CCNL2: variants seen among roughly 807,000 people sequenced by gnomAD.
CCNL2 encodes the protein cyclin-L2.
A neutral mutation model predicts 59.1 loss-of-function variants in CCNL2; 28 were observed. That is an observed-to-expected ratio of 0.47 (90% CI 0.35 to 0.65). CCNL2 has a LOEUF of 0.65. Ranked by LOEUF, CCNL2 falls within the 30% of genes least tolerant of loss-of-function variation. The probability of loss-of-function intolerance (pLI) is 0.00; values close to 1 mark genes in which losing one functional copy is unlikely to be tolerated. For missense variants in CCNL2, 714 were observed against 717.4 expected, an observed-to-expected ratio of 1.00 and a Z score of 0.05; for synonymous variants, 342 against 288.6, an observed-to-expected ratio of 1.19 and a Z score of -1.88.
At chr1:1,389,812 A>G (rs1174567964) in intron 8 of CCNL2, among the ~76,000 whole-genome samples, 2 of 152,060 alleles carry the variant, frequency 1.3e-5, no homozygotes, top group Non-Finnish European at 2.9e-5. Flanking sequence ...TCAAAAAATT[A>G]GCCAGGCGTG....
intron 6 of CCNL2, 37 bp from the exon 7 acceptor site, chr1:1,390,600 C>T (rs777311236): frequency 2.6e-6 from 4 of 1,561,354 alleles, no homozygotes; most frequent in East Asian, 4.5e-5. Context: ...ACACTTTCCT[C>T]AACTTCACGG....
Position 1,399,126 on chromosome 1 carries a change from A to G in CCNL2, c.181T>C (p.Phe61Leu), listed in dbSNP as rs1488363571. 1 of 1,611,916 alleles carries G rather than the reference A, an allele frequency of 6.2e-7. No individual in the cohort carries two copies. The highest frequency in any genetic ancestry group is 8.5e-7 in the Non-Finnish European group (1 of 1,179,424). The change falls in exon 1 of 11, where the codon TTC becomes CTC. Residue 61 changes from phenylalanine (F) to leucine (L), a missense_variant. Phe to Leu is a conservative substitution (Grantham distance 22). Transcript: ENST00000400809. ...NCLLPDDKLR[F>L]TPSMSSGLDT... ...AGGCCGCTCGACATGGACGGCGTGA[A>G]ACGGAGCTTGTCGTCAGGCAGGAGG...
In CCNL2 at chr1:1,387,874, G is replaced by C. The variant is rs976389405; in HGVS notation, c.1119-5C>G. ...CTCTCTCGCCCCTTTGGCAAGCTGT[G>C]AACAGGACAGGAGCCAGTTACAAAG... On this transcript the variant is annotated splice_polypyrimidine_tract_variant and splice_region_variant and intron_variant, in intron 9 of 10. Transcript: ENST00000400809. 1.2e-6 allele frequency: 2 copies of C among 1,613,882 alleles called. No individual in the cohort carries two copies. The highest frequency in any genetic ancestry group is 1.7e-6 in the Non-Finnish European group (2 of 1,180,022).
At chr1:1,392,343 G>A (rs563960289) in intron 5 of CCNL2, 3 of 1,013,458 alleles carry the variant, frequency 3.0e-6, no homozygotes, top group Non-Finnish European at 2.4e-6. Flanking sequence ...AAGTATCCAT[G>A]AAATAATTTA....
At chr1:1,391,537 A>G in intron 5 of CCNL2, 1 of 1,305,184 alleles carries the variant, frequency 7.7e-7, no homozygotes, top group Non-Finnish European at 1.0e-6. Context: ...TCTCGGGCTC[A>G]TCAGAGCCGC....
At chr1:1,391,635 G>A in intron 5 of CCNL2, 1 of 983,884 alleles carries the variant, frequency 1.0e-6, no homozygotes, top group African/African-American at 1.7e-5. Context: ...ACATGATACT[G>A]AGAAGCAACA....
chr1:1,390,002 T>C (rs1644676218), intron 8 of CCNL2, among the ~76,000 whole-genome samples: 1 of 150,962 alleles, frequency 6.6e-6, no homozygotes, highest in African/African-American at 2.4e-5. Context: ...CCTGTAGTCC[T>C]AGCTATGCAG....
intron 5 of CCNL2, 171 bp from the exon 6 acceptor site, chr1:1,391,036 T>C: frequency 1.1e-6 from 1 of 937,176 alleles, no homozygotes; most frequent in Non-Finnish European, 1.5e-6. Flanking sequence ...AGAAATATTC[T>C]AGCTGCTTTT....
At chr1:1,397,688 C>A (rs1645117029) in intron 3 of CCNL2, among the ~76,000 whole-genome samples, 1 of 152,072 alleles carries the variant, frequency 6.6e-6, no homozygotes. Context: ...ACAGCATGAC[C>A]CCATCTTTAC....
intron 5 of CCNL2, chr1:1,392,950 C>A: frequency 1.3e-6 from 1 of 797,646 alleles, no homozygotes. Flanking sequence ...CAGAATCCCC[C>A]AAATACTACA....
rs1036641676 is a variant in CCNL2, at chr1:1,387,123, C to G, written c.*108G>C. The G allele has an allele frequency of 4.9e-6, 4 of 813,240 alleles. No homozygotes were observed. Among genetic ancestry groups the G allele is most frequent in the Non-Finnish European group, 7.8e-6 (4 of 510,156 alleles). 50.4% of individuals were successfully genotyped at this position (813,240 alleles called of 1,614,324 possible). A position where few individuals can be genotyped will look rare whatever the true frequency, so the allele number is the denominator to read the frequency against. ...AAGAATCCTGTTCTAGGACCACTTG[C>G]GCTGAGAGCACACCCGGGGGTCAAA... On this transcript the variant is annotated 3_prime_UTR_variant, in exon 11 of 11. Coordinates refer to ENST00000400809, the MANE Select transcript of CCNL2 (RefSeq NM_030937.6).
rs769240244 is a variant in CCNL2, at chr1:1,387,792, G to A, written c.1196C>T (p.Ala399Val). 18 of 1,612,248 alleles carry A rather than the reference G, an allele frequency of 1.1e-5. No homozygotes were observed. Among genetic ancestry groups the A allele is most frequent in the Admixed American group, 1.7e-5 (1 of 59,850 alleles). ...AGGCACACACCTCCTCTTAGGAGAC[G>A]CTGATCGGGATGGGGACCTCGAGTA... ...QSYSRSPSRSASPKRRKSDSG... is the reference protein window; with the variant it reads ...QSYSRSPSRSVSPKRRKSDSG... The change falls in exon 10 of 11, where the codon GCG (alanine) becomes GTG (valine). Residue 399 changes from alanine (A) to valine (V), a missense_variant. By Grantham distance (64) the Ala-to-Val change is moderately conservative. Transcript: ENST00000400809.
In CCNL2 at chr1:1,395,412, A is replaced by G. The variant is rs1240162593; in HGVS notation, c.576T>C (p.His192=). The G allele has an allele frequency of 3.7e-6, 6 of 1,614,194 alleles. No homozygotes were observed. The highest frequency in any genetic ancestry group is 3.3e-5 in the South Asian group (3 of 91,086). ...CACCCACCTTATGAGGATGCTTCAC[A>G]TGGACGCAGAAACCCAACTCTTTGA... The part of the protein sequence containing the change: ...RVLKELGFCV[H]VKHPHKIIVM... Residue 192 remains histidine (H), a synonymous_variant, in exon 4 of 11, where the codon CAT becomes CAC. Transcript: ENST00000400809.
At chr1:1,392,839 A>G (rs1644825315) in intron 5 of CCNL2, 1 of 1,606,126 alleles carries the variant, frequency 6.2e-7, no homozygotes, top group Non-Finnish European at 8.5e-7. Flanking sequence ...AAAAGTCAAA[A>G]TAGGTTCTCT....
rs1469492005 is a variant in CCNL2, at chr1:1,387,485, G to A, written c.1309C>T (p.Pro437Ser). Reference protein sequence around the residue: ...SPPRQAPRSAPYKGSEIRGSR... With the variant: ...SPPRQAPRSASYKGSEIRGSR... Reference sequence around the variant, plus strand: ...CCCCGAATCTCAGAGCCTTTGTAGGGAGCGCTGCGGGGGGCCTGTCTCGGT... The same window carrying A: ...CCCCGAATCTCAGAGCCTTTGTAGGAAGCGCTGCGGGGGGCCTGTCTCGGT... The change falls in exon 11 of 11, where the codon CCC (proline) becomes TCC (serine). Residue 437 changes from proline to serine, a missense_variant. Physicochemically the swap from Pro to Ser is moderately conservative, Grantham distance 74 (BLOSUM62 -1). This residue lies in a region of CCNL2 where 403 missense variants were observed against 377.7 expected (regional missense o/e 1.07). Transcript: ENST00000400809. The A allele has an allele frequency of 6.2e-7, 1 of 1,604,234 alleles. No homozygotes were observed. The highest frequency in any genetic ancestry group is 2.2e-5 in the East Asian group (1 of 44,728).
intron 5 of CCNL2, chr1:1,391,410 C>G: frequency 8.4e-7 from 1 of 1,193,002 alleles, no homozygotes; most frequent in Non-Finnish European, 1.1e-6. Flanking sequence ...TCTCTGCTGA[C>G]CGAGCTGCAG....
chr1:1,398,188 GA>G, intron 3 of CCNL2, 44 bp downstream of exon 3: 1 of 1,566,784 alleles, frequency 6.4e-7, no homozygotes. Flanking sequence ...CAGAAATAAA[GA>G]AAATAGGCAT....
chr1:1,391,542 A>G, intron 5 of CCNL2: 1 of 1,305,248 alleles, frequency 7.7e-7, no homozygotes, highest in Non-Finnish European at 1.0e-6. Context: ...GGCTCATCAG[A>G]GCCGCTGCCA....
rs143065642 is a variant in CCNL2 at position 1,391,333 on chromosome 1, G to C, written c.660-468C>G. 2.0e-3 allele frequency: 2,358 copies of C among 1,159,688 alleles called. 4 individuals carry two copies. Among genetic ancestry groups the C allele is most frequent in the Non-Finnish European group, 2.3e-3 (2,118 of 921,686 alleles). The allele number at this position is 1,159,688 out of a possible 1,614,324, so 71.8% of individuals were successfully genotyped here. A position where few individuals can be genotyped will look rare whatever the true frequency, so the allele number is the denominator to read the frequency against. On this transcript the variant is annotated intron_variant, in intron 5 of 10. Transcript: ENST00000400809. ...GGCTGAGCACAAAGCCGGTGTGGCT[G>C]CTGGGAGACAAGCCATCCTCTTGGG...
Sources: gnomAD v4.1 joint callset for allele counts (sites outside exome capture counted in the v4.1 genomes callset) on GRCh38, gnomAD v4.1.1 for gene constraint, gnomAD v4.1.1 regional missense constraint, MANE v1.5 for transcripts, NCBI Gene and HGNC (gene_info 2026-07-23, HGNC 2026-07-21) for gene names.